Variants in ZSCAN2 observed in about 807,000 individuals in gnomAD.
The protein encoded by ZSCAN2 is zinc finger and SCAN domain-containing protein 2.
A neutral mutation model predicts 47.8 loss-of-function variants in ZSCAN2; 26 were observed. The observed-to-expected ratio is 0.54, with a 90% CI of 0.40 to 0.75. ZSCAN2 has a LOEUF of 0.75. Ranked by LOEUF, ZSCAN2 falls within the 30% of genes least tolerant of loss-of-function variation. The probability of loss-of-function intolerance (pLI) is 0.00; values close to 1 mark genes in which losing one functional copy is unlikely to be tolerated. For synonymous variants in ZSCAN2, 305 were observed against 288.7 expected, an observed-to-expected ratio of 1.06 and a Z score of -0.57; for missense variants, 732 against 785.4, an observed-to-expected ratio of 0.93 and a Z score of 0.81.
chr15:84,611,106 A>G (rs1368221061), intron 2 of ZSCAN2, among the ~76,000 whole-genome samples: 1 of 151,878 alleles, frequency 6.6e-6, no homozygotes, highest in African/African-American at 2.4e-5. Flanking sequence ...AGCCTGGCCA[A>G]CATGGTGAAA....
Position 84,621,741 on chromosome 15 carries a change from C to CA in ZSCAN2, c.1547dup (p.Leu517AlafsTer46). 6.2e-7 allele frequency: 1 copy of CA among 1,614,092 alleles called. No individual in the cohort carries two copies. Among genetic ancestry groups the CA allele is most frequent in the Non-Finnish European group, 8.5e-7 (1 of 1,179,994 alleles). On this transcript the variant is annotated frameshift_variant, in exon 3 of 3. Transcript: ENST00000546148. LOFTEE classifies it high-confidence loss of function. This position sits in a 1 kb window ranked among gnomAD's most constrained non-coding sequence, Gnocchi z 5.7. ...TGGGAAATGCTTCAGCCAGCGCTCC[C>CA]AGCTCGTAGTGCACCAGCGGACCCA...
chr15:84,606,604 A>G, intron 2 of ZSCAN2: 2 of 1,613,398 alleles, frequency 1.2e-6, no homozygotes, highest in African/African-American at 1.3e-5. Context: ...GTCAGATACT[A>G]TGGAGGAGAG....
At chr15:84,620,066 A>C (rs1041641507) in intron 2 of ZSCAN2, among the ~76,000 whole-genome samples, 1 of 151,782 alleles carries the variant, frequency 6.6e-6, no homozygotes, top group African/African-American at 2.4e-5. Flanking sequence ...TAAGCCCAGC[A>C]TCCATTAGCT....
rs1173043599 is a variant in ZSCAN2 at position 84,603,978 on chromosome 15, C to T, written c.51C>T (p.Val17=). ...PRVTTPLSSL[V]QVPQEEDRQE... is the part of the protein sequence containing the mutation. The stretch of plus-strand genomic sequence containing the variant: ...TGACCACTCCGCTGAGCTCCTTGGT[C>T]CAGGTGCCTCAAGAGGAAGATAGAC... The change falls in exon 2 of 3, where the codon GTC becomes GTT. Residue 17 remains valine (V), a synonymous_variant. Coordinates refer to ENST00000546148, the MANE Select transcript of ZSCAN2 (RefSeq NM_181877.4). 1.9e-6 allele frequency: 3 copies of T among 1,613,910 alleles called. No individual in the cohort carries two copies. The highest frequency in any genetic ancestry group is 2.5e-6 in the Non-Finnish European group (3 of 1,180,006).
In ZSCAN2 at chr15:84,622,052, G is replaced by A. The variant is rs766449357; in HGVS notation, c.*12G>A. ...AGAAACTTTATTGAAGTGGCAAAGA[G>A]TGAAAGTGAGGGACTGGCCTGGAGT... On this transcript the variant is annotated 3_prime_UTR_variant, in exon 3 of 3. Transcript: ENST00000546148. The A allele has an allele frequency of 1.3e-6, 2 of 1,582,138 alleles. No homozygotes were observed. The highest frequency in any genetic ancestry group is 1.7e-6 in the Non-Finnish European group (2 of 1,162,508).
At position 84,604,341 on chromosome 15, in the gene ZSCAN2, G is replaced by A. The variant is rs910170448; in HGVS notation, c.406+8G>A. 6 of 1,599,464 alleles carry A rather than the reference G, an allele frequency of 3.8e-6. No homozygotes were observed. Among genetic ancestry groups the A allele is most frequent in the Non-Finnish European group, 5.1e-6 (6 of 1,172,144 alleles). Reference sequence around the variant, plus strand: ...AGACCCTTCAGGACAGTGGTGAGACGCAGAACCTCATAGGGAGAGGGCGGG... The same window carrying A: ...AGACCCTTCAGGACAGTGGTGAGACACAGAACCTCATAGGGAGAGGGCGGG... On this transcript the variant is annotated splice_region_variant and intron_variant, in intron 2 of 2. Transcript: ENST00000546148.
chr15:84,612,578 C>A (rs563175222), intron 2 of ZSCAN2, among the ~76,000 whole-genome samples: 1 of 151,874 alleles, frequency 6.6e-6, no homozygotes, highest in South Asian at 2.1e-4. Context: ...ACTAAAAATA[C>A]AAAAAAATTA....
rs759832833 is a variant in ZSCAN2 at position 84,620,588 on chromosome 15, C to A, written c.407-14C>A. 2 of 1,580,312 alleles carry A rather than the reference C, an allele frequency of 1.3e-6. No individual in the cohort carries two copies. Among genetic ancestry groups the A allele is most frequent in the South Asian group, 2.3e-5 (2 of 88,272 alleles). On this transcript the variant is annotated splice_polypyrimidine_tract_variant and intron_variant, in intron 2 of 2. Coordinates refer to ENST00000546148, the MANE Select transcript of ZSCAN2 (RefSeq NM_181877.4). ...AGTTGAGTAGACATTGTATGTTTTT[C>A]TTCATTGTTTCAGATTTTGAGATAC...
At position 84,621,971 on chromosome 15, in the gene ZSCAN2, C is replaced by T; in HGVS notation, c.1776C>T (p.Gly592=). ...GEKPYKCPEC[G]KGFSNSSNFI... Reference sequence around the variant, plus strand: ...AGCCCTACAAATGCCCCGAGTGTGGCAAAGGCTTCAGCAACAGCTCTAACT... The same window carrying T: ...AGCCCTACAAATGCCCCGAGTGTGGTAAAGGCTTCAGCAACAGCTCTAACT... The change falls in exon 3 of 3, where the codon GGC becomes GGT. Residue 592 remains glycine (G), a synonymous_variant. Coordinates refer to ENST00000546148, the MANE Select transcript of ZSCAN2 (RefSeq NM_181877.4). This position sits in a 1 kb window ranked among gnomAD's most constrained non-coding sequence, Gnocchi z 5.7. The T allele has an allele frequency of 6.2e-7, 1 of 1,614,104 alleles. No individual in the cohort carries two copies. The highest frequency in any genetic ancestry group is 8.5e-7 in the Non-Finnish European group (1 of 1,179,962).
intron 1 of ZSCAN2, among the ~76,000 whole-genome samples, chr15:84,602,562 C>A (rs11632395): frequency 0.22 from 31,665 of 143,986 alleles, 4,224 homozygotes; most frequent in Middle Eastern, 0.4. Flanking sequence ...AGCACAGTTT[C>A]TTTTCTTTTT....
rs201065428 is a variant in ZSCAN2 at position 84,620,748 on chromosome 15, C to G, written c.553C>G (p.Gln185Glu). 3 of 1,614,190 alleles carry G rather than the reference C, an allele frequency of 1.9e-6. No individual in the cohort carries two copies. The East Asian group carries it at 6.7e-5, about 36-fold the overall frequency. ...ESDFERDAGI[Q>E]RLQGHSPGED... ...TGACTTTGAGAGAGATGCTGGCATC[C>G]AGAGGCTCCAGGGACACAGCCCAGG... Residue 185 changes from glutamine to glutamate, a missense_variant, in exon 3 of 3, where the codon CAG (glutamine) becomes GAG (glutamate). Transcript: ENST00000546148.
intron 2 of ZSCAN2, among the ~76,000 whole-genome samples, chr15:84,619,247 T>A (rs111878314): frequency 2.6e-5 from 4 of 151,944 alleles, no homozygotes; most frequent in Non-Finnish European, 4.4e-5. Flanking sequence ...CTGGCTAACA[T>A]GGTGAAACCC....
intron 2 of ZSCAN2, among the ~76,000 whole-genome samples, chr15:84,608,018 T>G (rs911773734): frequency 6.6e-6 from 1 of 152,196 alleles, no homozygotes; most frequent in African/African-American, 2.4e-5. Context: ...GGATTCTCTC[T>G]CTTGGCTTTT....
rs899645648 is a variant in ZSCAN2 at position 84,616,717 on chromosome 15, CA to C, written c.407-3878del. ...TACCTATTCAATTACTAAAATCACC[CA>C]AAAAAATGTTTTTGGTCATGTTAGT... On this transcript the variant is annotated intron_variant, in intron 2 of 2. Coordinates refer to ENST00000546148, the MANE Select transcript of ZSCAN2 (RefSeq NM_181877.4). The C allele has an allele frequency of 1.7e-5, 17 of 1,010,340 alleles. No individual in the cohort carries two copies. In the Admixed American group the frequency reaches 8.2e-4, roughly 49 times the overall value. 62.6% of individuals were successfully genotyped at this position (1,010,340 alleles called of 1,614,324 possible). A position where few individuals can be genotyped will look rare whatever the true frequency, so the allele number is the denominator to read the frequency against.
At chr15:84,617,539 TATG>T (rs150888230) in intron 2 of ZSCAN2, among the ~76,000 whole-genome samples, 3,606 of 152,142 alleles carry the variant, frequency 0.024, 147 homozygotes, top group Admixed American at 0.12. Flanking sequence ...CCCCTAGTGA[TATG>T]AGGGGTGGGG....
rs750339750 is a variant in ZSCAN2 at position 84,620,605 on chromosome 15, T to G, written c.410T>G (p.Phe137Cys). The part of the protein sequence containing the change: ...DLTQTLQDSD[F>C]EIQSENGENC... The stretch of plus-strand genomic sequence containing the variant: ...ATGTTTTTCTTCATTGTTTCAGATT[T>G]TGAGATACAGAGTGAAAATGGGGAG... Residue 137 changes from phenylalanine to cysteine, a missense_variant, in exon 3 of 3, where the codon TTT (phenylalanine) becomes TGT (cysteine). Transcript: ENST00000546148. The G allele has an allele frequency of 4.4e-6, 7 of 1,595,412 alleles. No homozygotes were observed. The highest frequency in any genetic ancestry group is 6.0e-6 in the Non-Finnish European group (7 of 1,165,022).
intron 1 of ZSCAN2, chr15:84,602,292 A>G (rs879872672): frequency 1.3e-5 from 2 of 152,052 alleles, no homozygotes; most frequent in Non-Finnish European, 2.9e-5. Flanking sequence ...TACTGTGTCT[A>G]TGGTTTTTCT....
chr15:84,601,236 G>C (rs1047872546), intron 1 of ZSCAN2, 101 bp downstream of exon 1: 1 of 152,354 alleles, frequency 6.6e-6, no homozygotes, highest in Non-Finnish European at 1.5e-5. Flanking sequence ...CTCTGCTGGG[G>C]GAGGGGCGTC....
At chr15:84,601,546 G>T (rs1294121773) in intron 1 of ZSCAN2, among the ~76,000 whole-genome samples, 1 of 152,178 alleles carries the variant, frequency 6.6e-6, no homozygotes, top group Non-Finnish European at 1.5e-5. Context: ...CCATATGCCA[G>T]TATTTCTTCT....
Sources: allele counts gnomAD v4.1 joint callset (sites outside exome capture counted in the v4.1 genomes callset), GRCh38; gene constraint gnomAD v4.1.1; non-coding constraint Gnocchi (gnomAD v3.1); transcripts MANE v1.5; gene names NCBI Gene and HGNC (gene_info 2026-07-23, HGNC 2026-07-21).